Variants in PIK3CD observed in about 807,000 individuals in gnomAD.
PIK3CD encodes phosphatidylinositol 4,5-bisphosphate 3-kinase catalytic subunit delta isoform.
A neutral mutation model predicts 122.9 loss-of-function variants in PIK3CD; 20 were observed. That is an observed-to-expected ratio of 0.16 (90% confidence interval 0.11 to 0.24). PIK3CD has a LOEUF of 0.24. PIK3CD is among the 10% of genes least tolerant of loss of function. PIK3CD has a pLI of 1.00. For missense variants in PIK3CD, 787 were observed against 1,406.3 expected, an observed-to-expected ratio of 0.56 and a Z score of 7.04; for synonymous variants, 596 against 593.4, an observed-to-expected ratio of 1.00 and a Z score of -0.06.
rs1647588917 is a variant in PIK3CD, at chr1:9,717,012, TTCC to T, written c.841_843del (p.Ser281del). 6.2e-7 allele frequency: 1 copy of T among 1,613,754 alleles called. No homozygotes were observed. On this transcript the variant is annotated inframe_deletion, in exon 7 of 24. Coordinates refer to ENST00000377346, the MANE Select transcript of PIK3CD (RefSeq NM_005026.5). The surrounding 1 kb of genome is among the most constrained non-coding windows in gnomAD (Gnocchi z 5.4). ...TGACCCCTCACCTGACCATGGTCCA[TTCC>T]TCCTCCATCCTCGCCATGCGGGATG...
chr1:9,725,088 G>A, intron 23 of PIK3CD, 152 bp downstream of exon 23: 1 of 1,040,372 alleles, frequency 9.6e-7, no homozygotes, highest in Admixed American at 2.0e-5. Flanking sequence ...AGTGGAGCTG[G>A]TGGGCGGTGG....
At chr1:9,655,008 AGTGTGCTGAGATT>A (rs1644803918) in intron 1 of PIK3CD, among the ~76,000 whole-genome samples, 1 of 150,894 alleles carries the variant, frequency 6.6e-6, no homozygotes, top group Non-Finnish European at 1.5e-5. Context: ...TGGAGGTTGC[AGTGTGCTGAGATT>A]GTGCCACTGC....
At chr1:9,654,483 C>G (rs771369909) in intron 1 of PIK3CD, 6 of 1,276,390 alleles carry the variant, frequency 4.7e-6, no homozygotes, top group Non-Finnish European at 4.2e-6. Flanking sequence ...AATGGTTGTG[C>G]GAAAGCCAGC....
At chr1:9,706,762 T>C (rs960263040) in intron 2 of PIK3CD, among the ~76,000 whole-genome samples, 3 of 152,112 alleles carry the variant, frequency 2.0e-5, no homozygotes, top group Non-Finnish European at 4.4e-5. Flanking sequence ...TGAAACTTCA[T>C]TTTATCTGTG....
chr1:9,641,222 A>G, the PIK3CD span, among the ~76,000 whole-genome samples: 20,787 of 152,130 alleles, frequency 0.14, 4,401 homozygotes, highest in African/African-American at 0.46. Context: ...TGCAAGATAC[A>G]CACTTGCTGG....
At position 9,722,178 on chromosome 1, in the gene PIK3CD, G is replaced by GTT; in HGVS notation, c.2234+26_2234+27dup. On this transcript the variant is annotated intron_variant, in intron 17 of 23. Transcript: ENST00000377346. The surrounding 1 kb of genome is among the most constrained non-coding windows in gnomAD (Gnocchi z 7.6). The stretch of plus-strand genomic sequence containing the variant: ...GGTGAGCCCAAGCCCCGCCACAAGG[G>GTT]TTCCTCCCACCCCTGGGAGGCCGGT... 6.2e-7 allele frequency: 1 copy of GTT among 1,612,522 alleles called. No individual in the cohort carries two copies. The highest frequency in any genetic ancestry group is 1.1e-5 in the South Asian group (1 of 90,956).
upstream of PIK3CD, among the ~76,000 whole-genome samples, chr1:9,648,409 T>A (rs1644626740): frequency 6.6e-6 from 1 of 152,236 alleles, no homozygotes; most frequent in African/African-American, 2.4e-5. Flanking sequence ...CCATTCGTCA[T>A]CTGGCTGTTT....
In PIK3CD at chr1:9,722,740, G is replaced by A; in HGVS notation, c.2426+134G>A. 1.2e-6 allele frequency: 1 copy of A among 808,572 alleles called. No individual in the cohort carries two copies. 50.1% of individuals were successfully genotyped at this position (808,572 alleles called of 1,614,324 possible). A position where few individuals can be genotyped will look rare whatever the true frequency, so the allele number is the denominator to read the frequency against. On this transcript the variant is annotated intron_variant, in intron 19 of 23. Transcript: ENST00000377346. The surrounding 1 kb of genome is among the most constrained non-coding windows in gnomAD (Gnocchi z 7.6). ...AGGGCTTTCCTAGGAAGACCCGGAG[G>A]CGGTTTAACTCTAGGCCAGGAGGCG...
rs752156973 is a variant in PIK3CD at position 9,727,403 on chromosome 1, C to T, written c.*357C>T. ...AGGCCTCCCGCCAGACTGCCTGGGT[C>T]CTGGCGCCTGGCGGTCACCTGGTGC... On this transcript the variant is annotated 3_prime_UTR_variant, in exon 24 of 24. Coordinates refer to ENST00000377346, the MANE Select transcript of PIK3CD (RefSeq NM_005026.5). 2.4e-6 allele frequency: 1 copy of T among 421,130 alleles called. No homozygotes were observed. Among genetic ancestry groups the T allele is most frequent in the South Asian group, 2.2e-5 (1 of 45,700 alleles). The allele number at this position is 421,130 out of a possible 1,614,324, so 26.1% of individuals were successfully genotyped here.
chr1:9,663,961 A>G (rs1044712512), intron 1 of PIK3CD, among the ~76,000 whole-genome samples: 5 of 150,132 alleles, frequency 3.3e-5, no homozygotes, highest in Non-Finnish European at 7.4e-5. Flanking sequence ...TATGTGCCAC[A>G]TTTTCTTAAT....
At position 9,721,015 on chromosome 1, in the gene PIK3CD, T is replaced by TCACCCTGACCCTGGCCACCCAC. The variant is rs1403629236; in HGVS notation, c.1690-96_1690-75dup. 7.0e-6 allele frequency: 10 copies of TCACCCTGACCCTGGCCACCCAC among 1,420,814 alleles called. No homozygotes were observed. The East Asian group carries it at 2.0e-4, about 28-fold the overall frequency. The allele number at this position is 1,420,814 out of a possible 1,614,324, so 88.0% of individuals were successfully genotyped here. On this transcript the variant is annotated intron_variant, in intron 13 of 23. Transcript: ENST00000377346. ...CCCCCACCCTCACCCTGGCCAACCT[T>TCACCCTGACCCTGGCCACCCAC]CACCCTGACCCTGGCCACCCACCAC...
chr1:9,721,924 C>T (rs1333514454), intron 16 of PIK3CD, 51 bp from the exon 17 acceptor site: 1 of 1,612,576 alleles, frequency 6.2e-7, no homozygotes, highest in Non-Finnish European at 8.5e-7. Flanking sequence ...ATCCCCAGGG[C>T]TGGGTCGAGG....
chr1:9,679,063 CTTT>C (rs148088382), intron 1 of PIK3CD, among the ~76,000 whole-genome samples: 1 of 116,540 alleles, frequency 8.6e-6, no homozygotes, highest in African/African-American at 3.4e-5. Flanking sequence ...TCAGGAGAAA[CTTT>C]TTTTTTTTTT....
the PIK3CD span, among the ~76,000 whole-genome samples, chr1:9,629,331 C>G: frequency 4.6e-5 from 7 of 151,956 alleles, no homozygotes; most frequent in African/African-American, 7.3e-5. Flanking sequence ...GGCACCTGTC[C>G]TCCCAGCTCA....
At position 9,720,418 on chromosome 1, in the gene PIK3CD, T is replaced by G; in HGVS notation, c.1470+176T>G. 1 of 1,382,754 alleles carries G rather than the reference T, an allele frequency of 7.2e-7. No homozygotes were observed. The highest frequency in any genetic ancestry group is 9.7e-7 in the Non-Finnish European group (1 of 1,026,144). The allele number at this position is 1,382,754 out of a possible 1,614,324, so 85.7% of individuals were successfully genotyped here. A position where few individuals can be genotyped will look rare whatever the true frequency, so the allele number is the denominator to read the frequency against. On this transcript the variant is annotated intron_variant, in intron 11 of 23. Coordinates refer to ENST00000377346, the MANE Select transcript of PIK3CD (RefSeq NM_005026.5). This position sits in a 1 kb window ranked among gnomAD's most constrained non-coding sequence, Gnocchi z 9.0. ...AGGGATGCTGCGCAGTCTGATGACA[T>G]TTTCGGTTGTCACAGCTGCCAGGAG...
the PIK3CD span, among the ~76,000 whole-genome samples, chr1:9,641,198 C>CAGGCACAG: frequency 1.3e-5 from 2 of 152,200 alleles, no homozygotes; most frequent in African/African-American, 4.8e-5. Flanking sequence ...CCAACTGTAT[C>CAGGCACAG]AGGCACAGCT....
chr1:9,679,954 A>G (rs1645686972), intron 1 of PIK3CD, among the ~76,000 whole-genome samples: 2 of 151,626 alleles, frequency 1.3e-5, no homozygotes, highest in Non-Finnish European at 2.9e-5. Context: ...CCTCCCGAGT[A>G]GCTGGGATTA....
chr1:9,646,040 G>A, the PIK3CD span, among the ~76,000 whole-genome samples: 1 of 152,042 alleles, frequency 6.6e-6, no homozygotes, highest in African/African-American at 2.4e-5. Context: ...CCAAAGTGCT[G>A]GGATTACAGG....
chr1:9,707,382 T>C (rs141849688), intron 2 of PIK3CD, among the ~76,000 whole-genome samples: 1 of 152,074 alleles, frequency 6.6e-6, no homozygotes, highest in East Asian at 1.9e-4. Context: ...ACTTTTATTT[T>C]AAGTTCAGGG....
Sources: allele counts gnomAD v4.1 joint callset (sites outside exome capture counted in the v4.1 genomes callset), GRCh38; gene constraint gnomAD v4.1.1; non-coding constraint Gnocchi (gnomAD v3.1); transcripts MANE v1.5; gene names NCBI Gene and HGNC (gene_info 2026-07-23, HGNC 2026-07-21).